The following ORC4 variants were observed in gnomAD, a reference collection of about 807,000 sequenced individuals.
The protein encoded by ORC4 is origin recognition complex subunit 4.
ORC4 carries 55 observed loss-of-function variants against 63.9 expected under a neutral mutation model. The observed-to-expected ratio is 0.86, with a 90% CI of 0.69 to 1.08. The LOEUF is 1.08. Ranked by LOEUF, ORC4 falls within the 50% of genes least tolerant of loss-of-function variation. The pLI, the probability that ORC4 is intolerant of heterozygous loss-of-function variation, is 0.00. For missense variants in ORC4, 511 were observed against 504.4 expected, an observed-to-expected ratio of 1.01 and a Z score of -0.13; for synonymous variants, 150 against 168.5, an observed-to-expected ratio of 0.89 and a Z score of 0.85.
intron 8 of ORC4, among the ~76,000 whole-genome samples, chr2:147,950,774 A>G (rs961013689): frequency 1.5e-4 from 22 of 151,468 alleles, no homozygotes; most frequent in African/African-American, 5.1e-4. Context: ...CAAAAAAAAA[A>G]AAAAAGAAAA....
chr2:147,932,205 A>G lies in ORC4; in HGVS notation c.*3305T>C, dbSNP rs1573729283. Reference sequence around the variant, plus strand: ...AATCATGAGTGAACTCCCATTCACAATTGCTTCAAAGAGAATAAAATACCT... The same window carrying G: ...AATCATGAGTGAACTCCCATTCACAGTTGCTTCAAAGAGAATAAAATACCT... On this transcript the variant is annotated 3_prime_UTR_variant, in exon 14 of 14. Transcript: ENST00000392857. The G allele has an allele frequency of 6.6e-6, 1 of 151,246 alleles. No homozygotes were observed. The highest frequency in any genetic ancestry group is 6.6e-5 in the Admixed American group (1 of 15,136). 9.4% of individuals were successfully genotyped at this position (151,246 alleles called of 1,614,324 possible). A position where few individuals can be genotyped will look rare whatever the true frequency, so the allele number is the denominator to read the frequency against.
chr2:147,957,509 A>G (rs1377383732), intron 6 of ORC4, among the ~76,000 whole-genome samples: 2 of 151,988 alleles, frequency 1.3e-5, no homozygotes, highest in Admixed American at 6.6e-5. Context: ...GTGCAAAATT[A>G]AATTATCATG....
In ORC4 at chr2:147,931,809, AAAT is replaced by A. The variant is rs1687759620; in HGVS notation, c.*3698_*3700del. The A allele has an allele frequency of 6.6e-6, 1 of 151,934 alleles. No individual in the cohort carries two copies. The highest frequency in any genetic ancestry group is 2.4e-5 in the African/African-American group (1 of 41,358). The allele number at this position is 151,934 out of a possible 1,614,324, so 9.4% of individuals were successfully genotyped here. ...TTAGGGATTGATGGGGTGTATTTCA[AAAT>A]AATAAGAGCTATCTATGACAAACCC... On this transcript the variant is annotated 3_prime_UTR_variant, in exon 14 of 14. Transcript: ENST00000392857.
chr2:147,989,691 G>C (rs1332406188), intron 1 of ORC4, among the ~76,000 whole-genome samples: 1 of 151,736 alleles, frequency 6.6e-6, no homozygotes, highest in East Asian at 1.9e-4. Flanking sequence ...CAGGGCAATA[G>C]GGCGAGACTC....
intron 4 of ORC4, among the ~76,000 whole-genome samples, chr2:147,962,600 C>A (rs1573797608): frequency 6.6e-6 from 1 of 152,062 alleles, no homozygotes; most frequent in Non-Finnish European, 1.5e-5. Flanking sequence ...CCCCTTGCTG[C>A]CACACTTCCA....
intron 1 of ORC4, among the ~76,000 whole-genome samples, chr2:148,020,212 T>C (rs1693612433): frequency 6.6e-6 from 1 of 152,178 alleles, no homozygotes; most frequent in South Asian, 2.1e-4. Context: ...CAATATCCAA[T>C]ATGAGCAACG....
At chr2:147,958,483 G>GT in intron 5 of ORC4, 100 bp from the exon 6 acceptor site, 1 of 811,192 alleles carries the variant, frequency 1.2e-6, no homozygotes, top group Non-Finnish European at 2.1e-6. Context: ...GTCAAAGCCT[G>GT]TGAGTTCATA....
chr2:147,931,627 C>T lies in ORC4; in HGVS notation c.*3883G>A, dbSNP rs1039336916. ...TCCACCATGATCAAGTGGGCTTCAT[C>T]CCTGGGATGCAAGGCTGGTTCAATA... On this transcript the variant is annotated 3_prime_UTR_variant, in exon 14 of 14. Coordinates refer to ENST00000392857, the MANE Select transcript of ORC4 (RefSeq NM_181741.4). The T allele has an allele frequency of 6.6e-6, 1 of 152,126 alleles. No individual in the cohort carries two copies. Among genetic ancestry groups the T allele is most frequent in the African/African-American group, 2.4e-5 (1 of 41,414 alleles). The allele number at this position is 152,126 out of a possible 1,614,324, so 9.4% of individuals were successfully genotyped here. A position where few individuals can be genotyped will look rare whatever the true frequency, so the allele number is the denominator to read the frequency against.
intron 1 of ORC4, among the ~76,000 whole-genome samples, chr2:147,985,844 T>G (rs761958480): frequency 6.6e-6 from 1 of 152,080 alleles, no homozygotes; most frequent in African/African-American, 2.4e-5. Context: ...CAAGATGACA[T>G]AGCTTACTTA....
chr2:147,953,973 T>C (rs1448035859), intron 7 of ORC4, among the ~76,000 whole-genome samples: 13 of 151,920 alleles, frequency 8.6e-5, no homozygotes, highest in Admixed American at 8.5e-4. Flanking sequence ...TATACATCAG[T>C]GGGGAAAATT....
chr2:147,944,330 T>C (rs1449820958), intron 9 of ORC4, among the ~76,000 whole-genome samples: 2 of 151,880 alleles, frequency 1.3e-5, no homozygotes, highest in Non-Finnish European at 2.9e-5. Flanking sequence ...AGAGAAAAAC[T>C]AAGAAATTAA....
At chr2:148,003,813 G>A (rs909172832) in intron 1 of ORC4, among the ~76,000 whole-genome samples, 26 of 152,184 alleles carry the variant, frequency 1.7e-4, no homozygotes, top group African/African-American at 5.1e-4. Context: ...AAGAGAGGAA[G>A]TCAAATTGTC....
upstream of ORC4, chr2:148,021,081 C>G (rs1381987827): frequency 2.0e-5 from 3 of 152,658 alleles, no homozygotes; most frequent in African/African-American, 4.8e-5. Flanking sequence ...CCGAACCCCC[C>G]CTCCCCCCCA....
At chr2:148,021,373 C>T, upstream of ORC4, 1 of 456,092 alleles carries the variant, frequency 2.2e-6, no homozygotes. Context: ...AACTCGCCTC[C>T]CTCCCTCCAC....
chr2:147,941,611 A>G (rs190789268), intron 10 of ORC4, among the ~76,000 whole-genome samples: 1 of 152,076 alleles, frequency 6.6e-6, no homozygotes, highest in South Asian at 2.1e-4. Context: ...AGCTAAGAAT[A>G]TGAGTAAGCA....
At chr2:147,940,068 T>C (rs904578357) in intron 10 of ORC4, among the ~76,000 whole-genome samples, 2 of 152,170 alleles carry the variant, frequency 1.3e-5, no homozygotes, top group African/African-American at 4.8e-5. Flanking sequence ...GGCAGAGAGT[T>C]TGGCAATCCT....
chr2:147,947,262 A>G (rs1460001330), intron 9 of ORC4, among the ~76,000 whole-genome samples: 1 of 152,016 alleles, frequency 6.6e-6, no homozygotes, highest in Non-Finnish European at 1.5e-5. Context: ...GGGACTCTAT[A>G]TTATTTTCCA....
intron 4 of ORC4, among the ~76,000 whole-genome samples, chr2:147,971,219 C>T (rs571301118): frequency 1.3e-5 from 2 of 151,818 alleles, no homozygotes; most frequent in South Asian, 4.2e-4. Flanking sequence ...TAGCAACATC[C>T]CATCTCAAAA....
At chr2:147,938,451 G>A in intron 11 of ORC4, 58 bp from the exon 12 acceptor site, 2 of 962,166 alleles carry the variant, frequency 2.1e-6, no homozygotes, top group South Asian at 1.3e-5. Flanking sequence ...TGAAATAACT[G>A]TTCTCCAAAG....
Sources: allele counts gnomAD v4.1 joint callset (sites outside exome capture counted in the v4.1 genomes callset), GRCh38; gene constraint gnomAD v4.1.1; transcripts MANE v1.5; gene names NCBI Gene and HGNC (gene_info 2026-07-23, HGNC 2026-07-21).